The following ORC3 variants were observed in gnomAD, a reference collection of about 807,000 sequenced individuals.
ORC3 encodes homolog of latheo, Drosophila.
ORC3 carries 78 observed loss-of-function variants against 100.7 expected under a neutral mutation model. The observed-to-expected ratio is 0.77, with a 90% CI of 0.65 to 0.94. The LOEUF (loss-of-function observed/expected upper bound fraction) is 0.94, where lower values mean the gene tolerates loss of function less well. ORC3 is among the 40% of genes least tolerant of loss of function. The probability of loss-of-function intolerance (pLI) is 0.00; values close to 1 mark genes in which losing one functional copy is unlikely to be tolerated. For missense variants in ORC3, 789 were observed against 823.9 expected (o/e 0.96, Z 0.52); for synonymous variants, 295 against 289.3 (o/e 1.02, Z -0.20).
intron 2 of ORC3, chr6:87,595,108 G>C (rs1313512442): frequency 1.3e-5 from 2 of 152,144 alleles, no homozygotes; most frequent in Admixed American, 6.5e-5. Context: ...TCTAACTTAG[G>C]GATAAATGCT....
At chr6:87,671,554 G>A (rs752087387), downstream of ORC3, among the ~76,000 whole-genome samples, 1 of 151,670 alleles carries the variant, frequency 6.6e-6, no homozygotes, top group Non-Finnish European at 1.5e-5. Flanking sequence ...TGAGTACTAA[G>A]AGAGGAGGCA....
At chr6:87,598,988 T>C in intron 2 of ORC3, among the ~76,000 whole-genome samples, 1 of 152,214 alleles carries the variant, frequency 6.6e-6, no homozygotes. Context: ...AGAGAGAGAC[T>C]GGCAGCAGCA....
chr6:87,657,288 A>G (rs912280420), intron 15 of ORC3, among the ~76,000 whole-genome samples: 1 of 152,200 alleles, frequency 6.6e-6, no homozygotes, highest in African/African-American at 2.4e-5. Flanking sequence ...AAATCTGATT[A>G]TTTATCTGAT....
intron 11 of ORC3, among the ~76,000 whole-genome samples, chr6:87,631,147 C>A (rs148479504): frequency 0.01 from 1,552 of 151,914 alleles, 31 homozygotes; most frequent in African/African-American, 0.036. Flanking sequence ...CTATGGCCTC[C>A]CAAAGTGCTG....
chr6:87,634,401 T>C (rs1158131241), intron 11 of ORC3, among the ~76,000 whole-genome samples: 8 of 152,184 alleles, frequency 5.3e-5, no homozygotes, highest in African/African-American at 1.9e-4. Flanking sequence ...GTATGCAACA[T>C]AAGCAGAACT....
chr6:87,646,287 A>T (rs1265775281), intron 13 of ORC3, among the ~76,000 whole-genome samples: 1 of 152,002 alleles, frequency 6.6e-6, no homozygotes, highest in East Asian at 1.9e-4. Context: ...TGCTCTGCCA[A>T]TTGTGAAGTA....
chr6:87,607,548 G>A, intron 5 of ORC3, 125 bp from the exon 6 acceptor site: 1 of 634,956 alleles, frequency 1.6e-6, no homozygotes, highest in Non-Finnish European at 2.7e-6. Context: ...CTGTATTGAT[G>A]GTAAGTATAA....
At chr6:87,606,126 A>T (rs1158902600) in intron 5 of ORC3, 105 bp downstream of exon 5, 5 of 689,552 alleles carry the variant, frequency 7.3e-6, no homozygotes, top group African/African-American at 5.4e-5. Context: ...GGTGGAAAGA[A>T]CACAGTGCTA....
At chr6:87,675,543 T>C in the ORC3 span, 1 of 1,607,036 alleles carries the variant, frequency 6.2e-7, no homozygotes, top group South Asian at 1.1e-5. Flanking sequence ...AATTGGGACC[T>C]CTTGCAACAA....
intron 7 of ORC3, among the ~76,000 whole-genome samples, chr6:87,611,631 A>T (rs1326136443): frequency 6.6e-6 from 1 of 152,022 alleles, no homozygotes; most frequent in East Asian, 1.9e-4. Flanking sequence ...CACTAAAATT[A>T]AAAAATTAGG....
chr6:87,604,463 C>G (rs1778189588), intron 4 of ORC3, among the ~76,000 whole-genome samples: 1 of 152,166 alleles, frequency 6.6e-6, no homozygotes, highest in South Asian at 2.1e-4. Context: ...CTTTACAATG[C>G]AACATCTAAA....
rs144291528 is a variant in ORC3 at position 87,655,665 on chromosome 6, TA to T, written c.1517-1240del. On this transcript the variant is annotated intron_variant, in intron 14 of 19. Transcript: ENST00000392844. ...CCCTCATCAGCCTAATTATTATTATTATTTTTTTTTTTTTTAAATAGAGACA... is the reference window on the plus strand; with the variant it reads ...CCCTCATCAGCCTAATTATTATTATTTTTTTTTTTTTTTTAAATAGAGACA... Among the ~76,000 whole-genome samples, 563 of 150,914 alleles carry T rather than the reference TA, an allele frequency of 3.7e-3. 5 individuals are homozygous for T. The highest frequency in any genetic ancestry group is 0.013 in the African/African-American group (524 of 41,174).
At chr6:87,623,870 C>G (rs1490293166) in intron 11 of ORC3, among the ~76,000 whole-genome samples, 1 of 151,712 alleles carries the variant, frequency 6.6e-6, no homozygotes, top group Non-Finnish European at 1.5e-5. Flanking sequence ...GGTGACAGAG[C>G]AAGACTCTGT....
At chr6:87,657,855 C>A in intron 15 of ORC3, 66 bp from the exon 16 acceptor site, 1 of 831,352 alleles carries the variant, frequency 1.2e-6, no homozygotes, top group Non-Finnish European at 2.1e-6. Flanking sequence ...AACTTACCAA[C>A]AGAGCTCCCT....
chr6:87,605,564 C>T (rs569426095), intron 4 of ORC3, among the ~76,000 whole-genome samples: 17 of 151,946 alleles, frequency 1.1e-4, no homozygotes, highest in African/African-American at 4.1e-4. Flanking sequence ...GCAGGAGAAT[C>T]ACCTGAACTT....
At chr6:87,594,249 A>C (rs7750207) in intron 1 of ORC3, 104 bp from the exon 2 acceptor site, 386,232 of 683,878 alleles carry the variant, frequency 0.56, 111,611 homozygotes, top group African/African-American at 0.75. Context: ...CTCTCCCCTA[A>C]CATCTTTTTT....
In ORC3 at chr6:87,605,795, G is replaced by A. The variant is rs1341044932; in HGVS notation, c.323-122G>A. ...TATCATTTATATAGTATATTTCCTT[G>A]GTTTCTGTTATTAATCATTTTTTAA... is the stretch of plus-strand genomic sequence containing the variant. On this transcript the variant is annotated intron_variant, in intron 4 of 19. Transcript: ENST00000392844. 3 of 591,388 alleles carry A rather than the reference G, an allele frequency of 5.1e-6. No homozygotes were observed. In the East Asian group the frequency reaches 8.6e-5, roughly 17 times the overall value. 36.6% of individuals were successfully genotyped at this position (591,388 alleles called of 1,614,324 possible).
chr6:87,677,357 ATTCTAT>A, the ORC3 span, among the ~76,000 whole-genome samples: 1 of 152,216 alleles, frequency 6.6e-6, no homozygotes, highest in Non-Finnish European at 1.5e-5. Context: ...GTGGCTAAAC[ATTCTAT>A]TTATGTTACC....
chr6:87,599,872 C>G (rs754140564), intron 2 of ORC3, among the ~76,000 whole-genome samples: 67 of 152,094 alleles, frequency 4.4e-4, no homozygotes, highest in Admixed American at 9.8e-4. Context: ...ACTCGGGAGG[C>G]TGAGGCAGGA....
Sources: gnomAD v4.1 joint callset for allele counts (sites outside exome capture counted in the v4.1 genomes callset) on GRCh38, gnomAD v4.1.1 for gene constraint, MANE v1.5 for transcripts, NCBI Gene and HGNC (gene_info 2026-07-23, HGNC 2026-07-21) for gene names.